Variants in SORT1 observed in about 807,000 individuals in gnomAD.
The protein encoded by SORT1 is sortilin.
SORT1 carries 39 observed loss-of-function variants against 101.7 expected under a neutral mutation model. That is an observed-to-expected ratio of 0.38 (90% CI 0.30 to 0.50). SORT1 has a LOEUF of 0.50. Among genes scored for constraint, SORT1 ranks in the 20% least tolerant of loss-of-function variants. The probability of loss-of-function intolerance (pLI) is 0.90; values close to 1 mark genes in which losing one functional copy is unlikely to be tolerated. For missense variants in SORT1, 878 were observed against 1,040.4 expected, an observed-to-expected ratio of 0.84 and a Z score of 2.15; for synonymous variants, 396 against 393.7, an observed-to-expected ratio of 1.01 and a Z score of -0.07.
rs5776972 is a variant in SORT1 at position 109,312,513 on chromosome 1, T to TA, written c.*1529dup. 26,306 of 141,356 alleles carry TA rather than the reference T, an allele frequency of 0.19. 2,290 individuals are homozygous for TA. Among genetic ancestry groups the TA allele is most frequent in the Middle Eastern group, 0.23 (64 of 274 alleles). The allele number at this position is 141,356 out of a possible 1,614,324, so 8.8% of individuals were successfully genotyped here. A position where few individuals can be genotyped will look rare whatever the true frequency, so the allele number is the denominator to read the frequency against. ...ACTAAAGTTAATTTGGCACTTCAAA[T>TA]AAAAAAAAAAAAAAACACACAAAAC... On this transcript the variant is annotated 3_prime_UTR_variant, in exon 20 of 20. Transcript: ENST00000256637.
At chr1:109,317,742 C>T (rs780309284) in intron 16 of SORT1, 111 bp downstream of exon 16, 10 of 763,994 alleles carry the variant, frequency 1.3e-5, no homozygotes, top group African/African-American at 3.5e-5. Flanking sequence ...CCCAACCCCG[C>T]CAAAAATAGT....
intron 10 of SORT1, among the ~76,000 whole-genome samples, chr1:109,339,275 A>C (rs1184532619): frequency 6.6e-6 from 1 of 152,270 alleles, no homozygotes; most frequent in South Asian, 2.1e-4. Flanking sequence ...ATGTTTTTCA[A>C]GTGTGTTCAC....
intron 1 of SORT1, among the ~76,000 whole-genome samples, chr1:109,386,491 AG>A (rs1652575317): frequency 6.6e-6 from 1 of 152,214 alleles, no homozygotes; most frequent in Admixed American, 6.5e-5. Flanking sequence ...GGGACTGGTT[AG>A]AAGATCACTT....
chr1:109,341,267 A>G (rs1022563923), intron 9 of SORT1, among the ~76,000 whole-genome samples: 1 of 152,226 alleles, frequency 6.6e-6, no homozygotes, highest in East Asian at 1.9e-4. Context: ...AAGATTTCCA[A>G]TATGTCACAA....
At chr1:109,363,594 A>G (rs1650886521) in intron 3 of SORT1, among the ~76,000 whole-genome samples, 1 of 152,202 alleles carries the variant, frequency 6.6e-6, no homozygotes, top group African/African-American at 2.4e-5. Context: ...CTAATTCTGT[A>G]TATCAACAGA....
At chr1:109,368,793 C>T (rs1341008834) in intron 2 of SORT1, 1 of 152,282 alleles carries the variant, frequency 6.6e-6, no homozygotes, top group Non-Finnish European at 1.5e-5. Context: ...ATGGGCACCA[C>T]AGTCCCTCAA....
At chr1:109,325,228 T>TA in intron 13 of SORT1, 139 bp from the exon 14 acceptor site, 4 of 451,986 alleles carry the variant, frequency 8.8e-6, no homozygotes, top group East Asian at 3.4e-5. Flanking sequence ...ACAATTATTT[T>TA]AACTTTTTTT....
chr1:109,315,197 C>A (rs572034906), intron 17 of SORT1, among the ~76,000 whole-genome samples: 1 of 152,244 alleles, frequency 6.6e-6, no homozygotes, highest in East Asian at 1.9e-4. Flanking sequence ...GTCAGAAGAA[C>A]CAGGCAGGCC....
At chr1:109,386,280 T>TAC (rs1652563470) in intron 1 of SORT1, among the ~76,000 whole-genome samples, 1 of 152,132 alleles carries the variant, frequency 6.6e-6, no homozygotes, top group Admixed American at 6.5e-5. Context: ...AGCTGGGCCC[T>TAC]ACCTTTAAGG....
intron 1 of SORT1, among the ~76,000 whole-genome samples, chr1:109,375,096 A>G (rs1368400513): frequency 6.6e-6 from 1 of 152,240 alleles, no homozygotes. Context: ...AAGACAAAAA[A>G]TGAACAGAGC....
At position 109,380,813 on chromosome 1, in the gene SORT1, C is replaced by CAAAAA. The variant is rs60568166; in HGVS notation, c.307-11229_307-11225dup. Among the ~76,000 whole-genome samples, 316 of 49,160 alleles carry CAAAAA rather than the reference C, an allele frequency of 6.4e-3. 39 individuals carry two copies. Among genetic ancestry groups the CAAAAA allele is most frequent in the African/African-American group, 0.023 (236 of 10,464 alleles). 32.3% of individuals were successfully genotyped at this position (49,160 alleles called of 152,430 possible). A position where few individuals can be genotyped will look rare whatever the true frequency, so the allele number is the denominator to read the frequency against. On this transcript the variant is annotated intron_variant, in intron 1 of 19. Transcript: ENST00000256637. ...GCAACATGGCAAAACCCTGTCGCCA[C>CAAAAA]AAAAAAAAAAAAAAAAAAAAAAAAA... is the stretch of plus-strand genomic sequence containing the variant.
chr1:109,381,767 C>T (rs1652249493), intron 1 of SORT1, among the ~76,000 whole-genome samples: 1 of 152,180 alleles, frequency 6.6e-6, no homozygotes, highest in South Asian at 2.1e-4. Context: ...CACCTGTCGT[C>T]CCAGATACAC....
Position 109,325,040 on chromosome 1 carries a change from C to T in SORT1, c.1693G>A (p.Asp565Asn). ...QCWQTYTFTRDPIYFTGLASE... is the reference protein window; with the variant it reads ...QCWQTYTFTRNPIYFTGLASE... Reference sequence around the variant, plus strand: ...GCTAGGCCAGTGAAATAGATGGGGTCCCTGGTGAACGTGTAGGTTTGCCAG... The same window carrying T: ...GCTAGGCCAGTGAAATAGATGGGGTTCCTGGTGAACGTGTAGGTTTGCCAG... The change falls in exon 14 of 20, where the codon GAC becomes AAC. Residue 565 changes from aspartate to asparagine, a missense_variant. Transcript: ENST00000256637. 2.5e-6 allele frequency: 4 copies of T among 1,613,712 alleles called. No homozygotes were observed. The highest frequency in any genetic ancestry group is 3.4e-6 in the Non-Finnish European group (4 of 1,179,810).
At chr1:109,357,458 G>T (rs1650400556) in intron 3 of SORT1, among the ~76,000 whole-genome samples, 1 of 152,256 alleles carries the variant, frequency 6.6e-6, no homozygotes, top group Non-Finnish European at 1.5e-5. Context: ...CAGATGAGGA[G>T]TTGCAAGGGA....
rs1423972147 is a variant in SORT1 at position 109,340,723 on chromosome 1, C to T, written c.1264+1G>A. 1 of 1,614,088 alleles carries T rather than the reference C, an allele frequency of 6.2e-7. No homozygotes were observed. Among genetic ancestry groups the T allele is most frequent in the Non-Finnish European group, 8.5e-7 (1 of 1,179,994 alleles). ...TACACCACTGCGATGCCGAGACTCACCTTCGGAGAGCACGCTTGTTATGTA... is the reference window on the plus strand; with the variant it reads ...TACACCACTGCGATGCCGAGACTCATCTTCGGAGAGCACGCTTGTTATGTA... On this transcript the variant is annotated splice_donor_variant, in intron 10 of 19. Transcript: ENST00000256637. LOFTEE classifies it high-confidence loss of function.
At chr1:109,324,157 T>C (rs992940838) in intron 14 of SORT1, among the ~76,000 whole-genome samples, 1 of 152,138 alleles carries the variant, frequency 6.6e-6, no homozygotes, top group African/African-American at 2.4e-5. Flanking sequence ...AGACAGAGTC[T>C]TGCTCTTGTC....
intron 10 of SORT1, among the ~76,000 whole-genome samples, chr1:109,337,989 T>TA (rs562324217): frequency 1.3e-3 from 196 of 152,206 alleles, no homozygotes; most frequent in Non-Finnish European, 2.3e-3. Flanking sequence ...TTGTGAAAAA[T>TA]ACATTCCGGT....
At position 109,324,931 on chromosome 1, in the gene SORT1, G is replaced by A; in HGVS notation, c.1802C>T (p.Thr601Ile). ...SFLTSQWVSY[T>I]IDFKDILERN... Reference sequence around the variant, plus strand: ...TTCAAGGATATCTTTAAAATCAATGGTGTAGGAGACCCACTGGCTGGTCAG... The same window carrying A: ...TTCAAGGATATCTTTAAAATCAATGATGTAGGAGACCCACTGGCTGGTCAG... The change falls in exon 14 of 20, where the codon ACC becomes ATC. Residue 601 changes from threonine (T) to isoleucine (I), a missense_variant. Physicochemically the swap from Thr to Ile is moderately conservative, Grantham distance 89. Around this residue, in one of 2 missense-constraint regions of SORT1, gnomAD observed 684 missense variants for 894.5 expected, o/e 0.76. Coordinates refer to ENST00000256637, the MANE Select transcript of SORT1 (RefSeq NM_002959.7). 1 of 1,613,030 alleles carries A rather than the reference G, an allele frequency of 6.2e-7. No individual in the cohort carries two copies. The highest frequency in any genetic ancestry group is 8.5e-7 in the Non-Finnish European group (1 of 1,179,178).
intron 7 of SORT1, among the ~76,000 whole-genome samples, 169 bp from the exon 8 acceptor site, chr1:109,346,050 G>C (rs995921764): frequency 6.6e-6 from 1 of 152,180 alleles, no homozygotes; most frequent in Non-Finnish European, 1.5e-5. Context: ...AGTGGCTCAT[G>C]CCTGTAATCC....
Sources: allele counts gnomAD v4.1 joint callset (sites outside exome capture counted in the v4.1 genomes callset), GRCh38; gene constraint gnomAD v4.1.1; regional missense constraint gnomAD v4.1.1; transcripts MANE v1.5; gene names NCBI Gene and HGNC (gene_info 2026-07-23, HGNC 2026-07-21).